Variants in ME1 observed in about 807,000 individuals in gnomAD.
ME1 encodes the protein malic enzyme 1, also known as NADP-dependent malic enzyme.
ME1 carries 74 observed loss-of-function variants against 66.4 expected under a neutral mutation model. That is an observed-to-expected ratio of 1.11 (90% CI 0.92 to 1.35). ME1 has a LOEUF of 1.35. ME1 is among the 40% of genes most tolerant of loss of function. ME1 has a pLI of 0.00. For synonymous variants in ME1, 251 were observed against 235.6 expected (o/e 1.07, Z -0.60); for missense variants, 750 against 694.1 (o/e 1.08, Z -0.90).
chr6:83,295,949 T>C (rs1583363463), intron 6 of ME1, among the ~76,000 whole-genome samples: 1 of 151,566 alleles, frequency 6.6e-6, no homozygotes, highest in East Asian at 1.9e-4. Context: ...ACATATAAAC[T>C]CTCCCAAGAC....
chr6:83,421,474 C>T (rs559655135), intron 1 of ME1, among the ~76,000 whole-genome samples: 2 of 152,296 alleles, frequency 1.3e-5, no homozygotes, highest in South Asian at 2.1e-4. Context: ...GTATAGAATG[C>T]GTTGAGCAGC....
At chr6:83,301,586 A>G (rs936189196) in intron 6 of ME1, among the ~76,000 whole-genome samples, 2 of 151,660 alleles carry the variant, frequency 1.3e-5, no homozygotes, top group African/African-American at 4.8e-5. Context: ...CTGGTGATCC[A>G]CCCACCTCGG....
intron 6 of ME1, among the ~76,000 whole-genome samples, chr6:83,282,443 G>T (rs181868747): frequency 6.6e-6 from 1 of 152,194 alleles, no homozygotes; most frequent in Non-Finnish European, 1.5e-5. Context: ...TCATCAAAAA[G>T]TGGGTGAAGG....
chr6:83,342,681 GTAT>G lies in ME1; in HGVS notation c.600+3489_600+3491del, dbSNP rs570156963. Among the ~76,000 whole-genome samples, 641 of 152,062 alleles carry G rather than the reference GTAT, an allele frequency of 4.2e-3. 1 individual carries two copies. Among genetic ancestry groups the G allele is most frequent in the Non-Finnish European group, 7.2e-3 (492 of 67,960 alleles). ...GTATTTAGGGAGTCCATCATCTTGA[GTAT>G]TATTTCTTTTCTTTTTTTTTGAGAC... On this transcript the variant is annotated intron_variant, in intron 5 of 13. Coordinates refer to ENST00000369705, the MANE Select transcript of ME1 (RefSeq NM_002395.6).
chr6:83,398,816 A>C (rs1000376541), intron 2 of ME1, among the ~76,000 whole-genome samples: 3 of 150,812 alleles, frequency 2.0e-5, no homozygotes, highest in Admixed American at 1.3e-4. Context: ...CTAAAAATAC[A>C]AAAGTGGCCG....
intron 6 of ME1, among the ~76,000 whole-genome samples, chr6:83,301,550 C>T (rs183174848): frequency 6.6e-6 from 1 of 152,174 alleles, no homozygotes; most frequent in East Asian, 1.9e-4. Flanking sequence ...ACCATGTTGA[C>T]CAGGCTGGTC....
At chr6:83,415,082 T>A (rs1770132983) in intron 1 of ME1, among the ~76,000 whole-genome samples, 2 of 152,210 alleles carry the variant, frequency 1.3e-5, no homozygotes, top group African/African-American at 2.4e-5. Context: ...TACTATTTTT[T>A]AAAATCTTAT....
intron 6 of ME1, among the ~76,000 whole-genome samples, chr6:83,273,807 T>C (rs1004227991): frequency 2.6e-5 from 4 of 152,226 alleles, no homozygotes; most frequent in African/African-American, 9.6e-5. Context: ...CAGTTAAGTC[T>C]TATTCTGCCA....
intron 6 of ME1, among the ~76,000 whole-genome samples, chr6:83,291,439 A>C (rs949071467): frequency 2.0e-5 from 3 of 152,230 alleles, no homozygotes; most frequent in Non-Finnish European, 4.4e-5. Flanking sequence ...AGAATGTTGA[A>C]TATTGGCCCC....
chr6:83,415,153 C>A (rs1424601852), intron 1 of ME1, among the ~76,000 whole-genome samples: 1 of 152,048 alleles, frequency 6.6e-6, no homozygotes, highest in Non-Finnish European at 1.5e-5. Flanking sequence ...ATATAATGAA[C>A]CAGAAAGATC....
chr6:83,268,059 T>A (rs1767019994), intron 6 of ME1, among the ~76,000 whole-genome samples: 1 of 152,232 alleles, frequency 6.6e-6, no homozygotes, highest in Non-Finnish European at 1.5e-5. Context: ...TTTTACATTC[T>A]ATATGTTCTA....
intron 5 of ME1, 51 bp downstream of exon 5, chr6:83,346,122 T>A: frequency 7.4e-7 from 1 of 1,355,784 alleles, no homozygotes; most frequent in South Asian, 1.7e-5. Flanking sequence ...ATGCAAGAAT[T>A]GATGCCATTT....
intron 3 of ME1, among the ~76,000 whole-genome samples, chr6:83,388,071 CTTCT>C (rs1462339579): frequency 7.0e-6 from 1 of 142,814 alleles, no homozygotes; most frequent in African/African-American, 2.6e-5. Context: ...TCCTTTCTTC[CTTCT>C]TTCCTTCCTT....
At chr6:83,386,146 C>G (rs1408093864) in intron 3 of ME1, among the ~76,000 whole-genome samples, 1 of 151,682 alleles carries the variant, frequency 6.6e-6, no homozygotes, top group Admixed American at 6.6e-5. Context: ...AAGTATAAAT[C>G]AAAATCAAAG....
intron 9 of ME1, 127 bp downstream of exon 9, chr6:83,237,590 A>G (rs1353628116): frequency 1.5e-5 from 8 of 516,250 alleles, no homozygotes; most frequent in African/African-American, 1.2e-4. Context: ...TGACATGATC[A>G]TTTGTATTTA....
At chr6:83,353,604 A>G (rs1768838731) in intron 3 of ME1, among the ~76,000 whole-genome samples, 1 of 151,694 alleles carries the variant, frequency 6.6e-6, no homozygotes, top group Admixed American at 6.6e-5. Context: ...TTTTTGATCA[A>G]TTTGAACTCA....
At chr6:83,395,721 G>C (rs561267859) in intron 3 of ME1, among the ~76,000 whole-genome samples, 1 of 151,472 alleles carries the variant, frequency 6.6e-6, no homozygotes, top group Non-Finnish European at 1.5e-5. Flanking sequence ...TGATCTGCCC[G>C]CCTCAGCCTC....
chr6:83,394,911 T>A (rs1187696077), intron 3 of ME1, among the ~76,000 whole-genome samples: 2 of 152,168 alleles, frequency 1.3e-5, no homozygotes, highest in East Asian at 3.8e-4. Context: ...CTATTTCATT[T>A]AAGGGAAAGA....
intron 6 of ME1, among the ~76,000 whole-genome samples, chr6:83,299,862 A>T (rs1428227431): frequency 1.3e-5 from 2 of 152,034 alleles, no homozygotes; most frequent in African/African-American, 2.4e-5. Context: ...AGATAATCAC[A>T]CGGTTTTTGT....
Sources: allele counts gnomAD v4.1 joint callset (sites outside exome capture counted in the v4.1 genomes callset), GRCh38; gene constraint gnomAD v4.1.1; transcripts MANE v1.5; gene names NCBI Gene and HGNC (gene_info 2026-07-23, HGNC 2026-07-21).